PKHD1: variants seen among roughly 807,000 people sequenced by gnomAD.
The protein encoded by PKHD1 is PKHD1 ciliary IPT domain containing fibrocystin/polyductin.
Under a neutral mutation model 412.0 loss-of-function variants are expected in PKHD1, and 291 were observed. That is an observed-to-expected ratio of 0.71 (90% CI 0.64 to 0.78). The LOEUF is 0.78. Ranked by LOEUF, PKHD1 falls within the 30% of genes least tolerant of loss-of-function variation. The pLI is 0.00. For missense variants in PKHD1, 4,825 were observed against 4,950.7 expected (o/e 0.97, Z 0.76); for synonymous variants, 1,777 against 1,821.5 (o/e 0.98, Z 0.62).
chr6:51,721,013 A>G, intron 60 of PKHD1: 1 of 983,300 alleles, frequency 1.0e-6, no homozygotes, highest in Non-Finnish European at 1.2e-6. Context: ...AAAGGAAATG[A>G]TAACATGGGT....
chr6:51,874,112 C>T (rs993080434), intron 46 of PKHD1, among the ~76,000 whole-genome samples: 1 of 152,110 alleles, frequency 6.6e-6, no homozygotes, highest in African/African-American at 2.4e-5. Flanking sequence ...TGGGAAATCA[C>T]CCCTAGAGAA....
At chr6:51,859,384 G>A (rs113173928) in intron 48 of PKHD1, among the ~76,000 whole-genome samples, 2,790 of 152,042 alleles carry the variant, frequency 0.018, 63 homozygotes, top group East Asian at 0.058. Flanking sequence ...AAATTAGCTG[G>A]GCGTGGCAGC....
chr6:51,666,739 C>T (rs1283675687), intron 60 of PKHD1, among the ~76,000 whole-genome samples: 2 of 144,400 alleles, frequency 1.4e-5, no homozygotes. Context: ...GTTCCTCTTC[C>T]TGTGTCCATG....
At position 52,003,127 on chromosome 6, in the gene PKHD1, GA is replaced by G. The variant is rs530849903; in HGVS notation, c.5751+7181del. ...TTAAGAACTATGGAATTTCCCAAGAGAAAAAAAATTCTTCAACTTTAAGAAA... is the reference window on the plus strand; with the variant it reads ...TTAAGAACTATGGAATTTCCCAAGAGAAAAAAATTCTTCAACTTTAAGAAA... On this transcript the variant is annotated intron_variant, in intron 35 of 66. Transcript: ENST00000371117. 1.3e-3 allele frequency among the ~76,000 whole-genome samples: 201 copies of G among 151,968 alleles called. 1 individual carries two copies. The highest frequency in any genetic ancestry group is 9.0e-3 in the Admixed American group (138 of 15,282).
At chr6:51,707,367 T>C (rs150868721) in intron 60 of PKHD1, among the ~76,000 whole-genome samples, 35 of 152,240 alleles carry the variant, frequency 2.3e-4, no homozygotes, top group African/African-American at 8.4e-4. Context: ...GTATGATGCA[T>C]CCCATACCAG....
intron 64 of PKHD1, among the ~76,000 whole-genome samples, chr6:51,637,891 G>A (rs1327559340): frequency 3.3e-5 from 5 of 151,720 alleles, no homozygotes; most frequent in African/African-American, 1.2e-4. Context: ...GTGACAGAGT[G>A]AGATTCCATC....
intron 52 of PKHD1, among the ~76,000 whole-genome samples, chr6:51,807,687 A>T (rs962091718): frequency 6.6e-6 from 1 of 152,062 alleles, no homozygotes; most frequent in African/African-American, 2.4e-5. Flanking sequence ...ATGCACATGC[A>T]TCTAGACATC....
chr6:52,002,251 G>A (rs1383262234), intron 35 of PKHD1, among the ~76,000 whole-genome samples: 1 of 152,160 alleles, frequency 6.6e-6, no homozygotes, highest in Non-Finnish European at 1.5e-5. Context: ...TCCAAAAGCT[G>A]GAAGTCAGCT....
chr6:51,764,843 G>A (rs950566550), intron 55 of PKHD1, among the ~76,000 whole-genome samples: 6 of 151,806 alleles, frequency 4.0e-5, no homozygotes, highest in Admixed American at 6.6e-5. Context: ...ACAGAATCAC[G>A]TCTCCACCCT....
chr6:52,076,724 T>C (rs1304241580), intron 5 of PKHD1, among the ~76,000 whole-genome samples: 3 of 152,212 alleles, frequency 2.0e-5, no homozygotes, highest in African/African-American at 7.2e-5. Flanking sequence ...TTTGATGTTT[T>C]GGGGCCTTGA....
intron 52 of PKHD1, among the ~76,000 whole-genome samples, chr6:51,793,192 C>T (rs924153295): frequency 6.6e-6 from 1 of 152,134 alleles, no homozygotes; most frequent in African/African-American, 2.4e-5. Context: ...TTAATCTCAT[C>T]TCTAGCACTT....
At chr6:52,077,013 C>A (rs1343214588) in intron 5 of PKHD1, among the ~76,000 whole-genome samples, 1 of 152,174 alleles carries the variant, frequency 6.6e-6, no homozygotes, top group Admixed American at 6.5e-5. Context: ...GGTAGCATTC[C>A]AAATCATCTT....
At chr6:51,970,060 G>C (rs1214887001) in intron 35 of PKHD1, among the ~76,000 whole-genome samples, 1 of 152,130 alleles carries the variant, frequency 6.6e-6, no homozygotes, top group Non-Finnish European at 1.5e-5. Context: ...CACCAACAGT[G>C]TATAAATGCT....
chr6:51,617,601 G>A lies in PKHD1; in HGVS notation c.*1480C>T, dbSNP rs1766176237. 6.6e-6 allele frequency: 1 copy of A among 152,020 alleles called. No individual in the cohort carries two copies. The highest frequency in any genetic ancestry group is 2.4e-5 in the African/African-American group (1 of 41,374). 9.4% of individuals were successfully genotyped at this position (152,020 alleles called of 1,614,324 possible). A position where few individuals can be genotyped will look rare whatever the true frequency, so the allele number is the denominator to read the frequency against. On this transcript the variant is annotated 3_prime_UTR_variant, in exon 67 of 67. Coordinates refer to ENST00000371117, the MANE Select transcript of PKHD1 (RefSeq NM_138694.4). ...TATTTTCTTCCAAATCCAACACAGT[G>A]ACCACAGAGAAGGCTACCTACCTCC...
At chr6:52,014,700 AGATGGATGGATGGATGGATGGATGGATG>A (rs55925667) in intron 34 of PKHD1, among the ~76,000 whole-genome samples, 3 of 80,664 alleles carry the variant, frequency 3.7e-5, no homozygotes, top group East Asian at 3.4e-4. Context: ...TATACTGGAT[AGATGGATGGATGGATGGATGGATGGATG>A]GATGGATGGA....
rs12529717 is a variant in PKHD1, at chr6:51,830,843, T to C, written c.8302+18A>G. ...GTTCAGCCTGTCTGTGATTCATCTC[T>C]TGGGTAGTTTTACTCACTGGGTAAA... On this transcript the variant is annotated intron_variant, in intron 52 of 66. Coordinates refer to ENST00000371117, the MANE Select transcript of PKHD1 (RefSeq NM_138694.4). 81,658 of 1,609,690 alleles carry C rather than the reference T, an allele frequency of 0.051. 2,357 individuals carry two copies. The highest frequency in any genetic ancestry group is 0.08 in the East Asian group (3,585 of 44,796).
At chr6:51,739,193 T>C (rs974930582) in intron 60 of PKHD1, among the ~76,000 whole-genome samples, 1 of 149,374 alleles carries the variant, frequency 6.7e-6, no homozygotes, top group Non-Finnish European at 1.5e-5. Context: ...CATACACATA[T>C]ATATGTGTGC....
At chr6:51,900,092 C>T (rs1287948615) in intron 43 of PKHD1, among the ~76,000 whole-genome samples, 2 of 152,084 alleles carry the variant, frequency 1.3e-5, no homozygotes. Flanking sequence ...GCCATACTGC[C>T]CAAGGTAATT....
intron 34 of PKHD1, among the ~76,000 whole-genome samples, chr6:52,012,918 C>T (rs4599630): frequency 0.45 from 67,840 of 152,070 alleles, 17,027 homozygotes; most frequent in Admixed American, 0.58. Context: ...ATAGTTCATT[C>T]TAGAATTTTG....
Sources: gnomAD v4.1 joint callset for allele counts (sites outside exome capture counted in the v4.1 genomes callset) on GRCh38, gnomAD v4.1.1 for gene constraint, MANE v1.5 for transcripts, NCBI Gene and HGNC (gene_info 2026-07-23, HGNC 2026-07-21) for gene names.